The following TFDP2 variants were observed in gnomAD, a reference collection of about 807,000 sequenced individuals.
The protein encoded by TFDP2 is transcription factor Dp-2.
In TFDP2, 17 loss-of-function variants were observed where a neutral mutation model predicts 59.3. The observed-to-expected ratio is 0.29, with a 90% confidence interval of 0.20 to 0.43. The LOEUF (loss-of-function observed/expected upper bound fraction) is 0.43, where lower values mean the gene tolerates loss of function less well. Ranked by LOEUF, TFDP2 falls within the 20% of genes least tolerant of loss-of-function variation. The pLI is 1.00. For synonymous variants in TFDP2, 180 were observed against 194.7 expected, an observed-to-expected ratio of 0.92 and a Z score of 0.63; for missense variants, 391 against 528.8, an observed-to-expected ratio of 0.74 and a Z score of 2.56.
At chr3:142,072,909 A>G (rs996522637) in intron 3 of TFDP2, among the ~76,000 whole-genome samples, 3 of 152,222 alleles carry the variant, frequency 2.0e-5, no homozygotes, top group Non-Finnish European at 4.4e-5. Flanking sequence ...GAGGGAGAGC[A>G]TAACTCCCTG....
rs1935545654 is a variant in TFDP2 at position 141,948,729 on chromosome 3, T to C, written c.*3784A>G. The C allele has an allele frequency of 6.6e-6, 1 of 151,986 alleles. No individual in the cohort carries two copies. The highest frequency in any genetic ancestry group is 2.4e-5 in the African/African-American group (1 of 41,336). The allele number at this position is 151,986 out of a possible 1,614,324, so 9.4% of individuals were successfully genotyped here. A position where few individuals can be genotyped will look rare whatever the true frequency, so the allele number is the denominator to read the frequency against. On this transcript the variant is annotated 3_prime_UTR_variant, in exon 13 of 13. Transcript: ENST00000489671. ...AACTCTGCTGTCTCTATGACCCAAG[T>C]AGCCAAAAAGAGTTGTGGTTTAGCA... is the stretch of plus-strand genomic sequence containing the variant.
intron 7 of TFDP2, among the ~76,000 whole-genome samples, chr3:141,976,122 G>A (rs747583921): frequency 3.3e-5 from 5 of 152,170 alleles, no homozygotes; most frequent in East Asian, 1.9e-4. Context: ...AGTGTGATCC[G>A]TCCACCTCGG....
intron 3 of TFDP2, among the ~76,000 whole-genome samples, chr3:142,067,511 T>C (rs1338918047): frequency 6.6e-6 from 1 of 151,972 alleles, no homozygotes; most frequent in East Asian, 1.9e-4. Flanking sequence ...TGCTCATGAA[T>C]AGGAAGAATC....
At chr3:142,101,646 C>A in intron 2 of TFDP2, 89 bp downstream of exon 2, 1 of 832,100 alleles carries the variant, frequency 1.2e-6, no homozygotes, top group Non-Finnish European at 1.7e-6. Context: ...TAAATTAAAT[C>A]TGGTTAACCA....
At chr3:142,092,890 C>T in intron 3 of TFDP2, 171 bp downstream of exon 3, 1 of 449,450 alleles carries the variant, frequency 2.2e-6, no homozygotes, top group Non-Finnish European at 3.9e-6. Context: ...CAAAAATCCT[C>T]CGTCTGTCAG....
chr3:142,099,257 C>A (rs2061252343), intron 2 of TFDP2, among the ~76,000 whole-genome samples: 1 of 152,154 alleles, frequency 6.6e-6, no homozygotes. Context: ...CCTGTCTTTG[C>A]CCATTCTTTG....
At chr3:142,061,889 T>TCTAC (rs754972681) in intron 3 of TFDP2, among the ~76,000 whole-genome samples, 146 of 79,946 alleles carry the variant, frequency 1.8e-3, no homozygotes, top group African/African-American at 3.5e-3. Flanking sequence ...TCTCTCTCTC[T>TCTAC]ACACACACAC....
chr3:142,122,683 T>G (rs1438096607), intron 1 of TFDP2, among the ~76,000 whole-genome samples: 3 of 152,106 alleles, frequency 2.0e-5, no homozygotes, highest in Non-Finnish European at 4.4e-5. Context: ...CAACACACAG[T>G]TACTGGCCAC....
chr3:142,105,289 T>G (rs1406760282), intron 1 of TFDP2, among the ~76,000 whole-genome samples: 2 of 152,206 alleles, frequency 1.3e-5, no homozygotes, highest in African/African-American at 4.8e-5. Flanking sequence ...CATTTTCCTC[T>G]TCTTCCTTAC....
At chr3:141,960,529 CA>C (rs1937224415) in intron 10 of TFDP2, among the ~76,000 whole-genome samples, 1 of 152,194 alleles carries the variant, frequency 6.6e-6, no homozygotes, top group Non-Finnish European at 1.5e-5. Context: ...GGAGCACCTT[CA>C]TCATGGGCCT....
intron 3 of TFDP2, among the ~76,000 whole-genome samples, chr3:142,062,999 G>C (rs528800566): frequency 6.6e-6 from 1 of 152,244 alleles, no homozygotes; most frequent in Admixed American, 6.5e-5. Context: ...CATGCTTCTA[G>C]GGTGCTGGTT....
rs1251458626 is a variant in TFDP2, at chr3:141,978,576, C to T, written c.463G>A (p.Ala155Thr). 6.2e-7 allele frequency: 1 copy of T among 1,613,572 alleles called. No homozygotes were observed. The highest frequency in any genetic ancestry group is 1.7e-5 in the Admixed American group (1 of 59,906). ...GTGAACTCTGACACCAGCTCATCAG[C>T]GACTTCATTGTACGATGTTGTACCT... ...RKGTTSYNEV[A>T]DELVSEFTNS... Residue 155 changes from alanine to threonine, a missense_variant, in exon 7 of 13, where the codon GCT becomes ACT. Transcript: ENST00000489671.
intron 3 of TFDP2, among the ~76,000 whole-genome samples, chr3:142,050,374 T>C (rs1012557660): frequency 1.3e-5 from 2 of 152,150 alleles, no homozygotes; most frequent in African/African-American, 4.8e-5. Flanking sequence ...TTGCTTTTAG[T>C]TCCCTGTTTT....
intron 3 of TFDP2, among the ~76,000 whole-genome samples, chr3:142,024,233 A>C (rs1409132617): frequency 6.6e-6 from 1 of 152,254 alleles, no homozygotes; most frequent in East Asian, 1.9e-4. Context: ...ACAAGTGAGC[A>C]AAGTGCCAAA....
chr3:141,985,995 T>C (rs1942059666), intron 6 of TFDP2, among the ~76,000 whole-genome samples: 1 of 152,220 alleles, frequency 6.6e-6, no homozygotes, highest in Non-Finnish European at 1.5e-5. Context: ...ACTCATACAT[T>C]GTTTATGGGA....
chr3:142,058,368 G>T (rs1226228285), intron 3 of TFDP2, among the ~76,000 whole-genome samples: 2 of 147,474 alleles, frequency 1.4e-5, no homozygotes, highest in Non-Finnish European at 3.0e-5. Flanking sequence ...CAATTCTTCA[G>T]ACACCAATTA....
intron 4 of TFDP2, among the ~76,000 whole-genome samples, chr3:141,999,110 T>A (rs1943541884): frequency 6.6e-6 from 1 of 152,174 alleles, no homozygotes; most frequent in Non-Finnish European, 1.5e-5. Context: ...TTTCTTCCAC[T>A]TCTGCCACCC....
intron 3 of TFDP2, among the ~76,000 whole-genome samples, chr3:142,091,887 T>C (rs1396605248): frequency 6.6e-6 from 1 of 152,148 alleles, no homozygotes; most frequent in Non-Finnish European, 1.5e-5. Flanking sequence ...TGCAGCCTGG[T>C]TCCTAACAGG....
chr3:142,105,815 T>C (rs942176936), intron 1 of TFDP2, among the ~76,000 whole-genome samples: 1 of 152,218 alleles, frequency 6.6e-6, no homozygotes, highest in Non-Finnish European at 1.5e-5. Flanking sequence ...CCAAAGCGCA[T>C]GGATTTCTTA....
Sources: allele counts gnomAD v4.1 joint callset (sites outside exome capture counted in the v4.1 genomes callset), GRCh38; gene constraint gnomAD v4.1.1; transcripts MANE v1.5; gene names NCBI Gene and HGNC (gene_info 2026-07-23, HGNC 2026-07-21).